The following TRIM2 variants were observed in gnomAD, a reference collection of about 807,000 sequenced individuals.
TRIM2 encodes tripartite motif-containing protein 2.
In TRIM2, 20 loss-of-function variants were observed where a neutral mutation model predicts 75.2. That is an observed-to-expected ratio of 0.27 (90% CI 0.19 to 0.39). TRIM2 has a LOEUF of 0.39. Among genes scored for constraint, TRIM2 ranks in the 10% least tolerant of loss-of-function variants. TRIM2 has a pLI of 1.00. For synonymous variants in TRIM2, 373 were observed against 388.3 expected (o/e 0.96, Z 0.46); for missense variants, 660 against 990.8 (o/e 0.67, Z 4.48).
chr4:153,247,671 CTG>C (rs2149899774), intron 1 of TRIM2, among the ~76,000 whole-genome samples: 1 of 91,552 alleles, frequency 1.1e-5, no homozygotes, highest in East Asian at 3.1e-4. Flanking sequence ...GAGTGAGACT[CTG>C]TCTCAAAAAA....
At position 153,335,372 on chromosome 4, in the gene TRIM2, A is replaced by G. The variant is rs577894917; in HGVS notation, c.*406A>G. On this transcript the variant is annotated 3_prime_UTR_variant, in exon 12 of 12. Coordinates refer to ENST00000338700, the MANE Select transcript of TRIM2 (RefSeq NM_015271.5). ...CAAAAACAAAATCTATTGTAGTTAT[A>G]TACTTCATTTAACCTAGGTCACAAG... The G allele has an allele frequency of 9.1e-6, 9 of 987,276 alleles. No individual in the cohort carries two copies. In the South Asian group the frequency reaches 4.2e-4, roughly 46 times the overall value. The allele number at this position is 987,276 out of a possible 1,614,324, so 61.2% of individuals were successfully genotyped here. A position where few individuals can be genotyped will look rare whatever the true frequency, so the allele number is the denominator to read the frequency against.
chr4:153,259,575 G>GT (rs1405280550), intron 1 of TRIM2, among the ~76,000 whole-genome samples: 1 of 152,146 alleles, frequency 6.6e-6, no homozygotes, highest in Admixed American at 6.5e-5. Context: ...TACTGTCATA[G>GT]TTTTTTCTTC....
intron 1 of TRIM2, among the ~76,000 whole-genome samples, chr4:153,179,372 T>C (rs1731811907): frequency 6.7e-6 from 1 of 148,452 alleles, no homozygotes. Flanking sequence ...TAATGTTAAA[T>C]ATTATTATTT....
At chr4:153,332,167 T>C (rs1321012341) in intron 11 of TRIM2, among the ~76,000 whole-genome samples, 1 of 152,028 alleles carries the variant, frequency 6.6e-6, no homozygotes, top group East Asian at 1.9e-4. Flanking sequence ...AATTAACAAA[T>C]TGGGTTTCAT....
chr4:153,270,364 C>T lies in TRIM2; in HGVS notation c.60C>T (p.Gly20=), dbSNP rs756855806. 2 of 1,607,288 alleles carry T rather than the reference C, an allele frequency of 1.2e-6. No individual in the cohort carries two copies. Among genetic ancestry groups the T allele is most frequent in the Non-Finnish European group, 1.7e-6 (2 of 1,176,444 alleles). ...AGCGTGCAGGGTCAAAGACAGCCGG[C>T]CCCCCATGTCAGTGGTCTAGGATGG... ...QQQRAGSKTA[G]PPCQWSRMAS... Residue 20 remains glycine, a synonymous_variant, in exon 2 of 12, where the codon GGC becomes GGT. Coordinates refer to ENST00000338700, the MANE Select transcript of TRIM2 (RefSeq NM_015271.5).
chr4:153,288,586 T>G (rs1183072931), intron 3 of TRIM2, among the ~76,000 whole-genome samples: 4 of 152,202 alleles, frequency 2.6e-5, no homozygotes, highest in Non-Finnish European at 5.9e-5. Context: ...GTTTCCTGTT[T>G]GGAGTTTATT....
intron 3 of TRIM2, among the ~76,000 whole-genome samples, chr4:153,292,677 AT>A (rs1327662814): frequency 6.6e-6 from 1 of 152,238 alleles, no homozygotes; most frequent in East Asian, 1.9e-4. Flanking sequence ...ATTTTTAAAG[AT>A]TATAACGGGG....
At chr4:153,257,482 TC>T in intron 1 of TRIM2, 1 of 1,273,288 alleles carries the variant, frequency 7.9e-7, no homozygotes, top group Non-Finnish European at 1.0e-6. Context: ...CCAGAAACAT[TC>T]CTGCCGACTT....
intron 1 of TRIM2, among the ~76,000 whole-genome samples, chr4:153,174,596 T>G (rs1731224207): frequency 1.3e-5 from 2 of 152,332 alleles, no homozygotes; most frequent in South Asian, 2.1e-4. Flanking sequence ...AACAGTTTCC[T>G]GAGAGCAGGG....
intron 1 of TRIM2, among the ~76,000 whole-genome samples, chr4:153,241,499 T>A (rs1240800865): frequency 1.3e-5 from 2 of 152,164 alleles, no homozygotes; most frequent in Non-Finnish European, 2.9e-5. Context: ...CATGAAGGAT[T>A]CAAAGGGGGC....
chr4:153,190,946 A>AT (rs1391642521), intron 1 of TRIM2, among the ~76,000 whole-genome samples: 1 of 152,122 alleles, frequency 6.6e-6, no homozygotes, highest in East Asian at 1.9e-4. Context: ...CATGTTGGCC[A>AT]GGCTGGTCTC....
At chr4:153,271,171 G>A (rs1277199204) in intron 2 of TRIM2, among the ~76,000 whole-genome samples, 1 of 152,092 alleles carries the variant, frequency 6.6e-6, no homozygotes, top group African/African-American at 2.4e-5. Flanking sequence ...TACCATGTAA[G>A]CAATTAAGCA....
chr4:153,192,566 C>A (rs1366355874), intron 1 of TRIM2, among the ~76,000 whole-genome samples: 4 of 148,474 alleles, frequency 2.7e-5, no homozygotes. Context: ...ATGATCATGC[C>A]ATTGCATCCC....
At chr4:153,260,248 T>C (rs1753060970) in intron 1 of TRIM2, among the ~76,000 whole-genome samples, 1 of 151,970 alleles carries the variant, frequency 6.6e-6, no homozygotes. Context: ...CTTTGTGTAG[T>C]CCCCAAGCAA....
chr4:153,338,224 G>A lies in TRIM2; in HGVS notation c.*3258G>A, dbSNP rs569855316. 7.1e-6 allele frequency: 7 copies of A among 985,814 alleles called. No homozygotes were observed. In the East Asian group the frequency reaches 3.4e-4, roughly 48 times the overall value. The allele number at this position is 985,814 out of a possible 1,614,324, so 61.1% of individuals were successfully genotyped here. ...GTATCTGTGAATCCTTAGCACTGAC[G>A]GGTTAACAGAAATGCTTTGGTAATA... On this transcript the variant is annotated 3_prime_UTR_variant, in exon 12 of 12. Transcript: ENST00000338700.
intron 1 of TRIM2, among the ~76,000 whole-genome samples, chr4:153,198,445 A>T (rs1293033413): frequency 6.6e-6 from 1 of 152,102 alleles, no homozygotes; most frequent in East Asian, 1.9e-4. Flanking sequence ...ACCATGTAAG[A>T]TATGCCCTTC....
In TRIM2 at chr4:153,338,375, G is replaced by C. The variant is rs894186822; in HGVS notation, c.*3409G>C. 7 of 985,598 alleles carry C rather than the reference G, an allele frequency of 7.1e-6. No homozygotes were observed. The African/African-American group carries it at 8.7e-5, about 12-fold the overall frequency. 61.1% of individuals were successfully genotyped at this position (985,598 alleles called of 1,614,324 possible). A position where few individuals can be genotyped will look rare whatever the true frequency, so the allele number is the denominator to read the frequency against. On this transcript the variant is annotated 3_prime_UTR_variant, in exon 12 of 12. Coordinates refer to ENST00000338700, the MANE Select transcript of TRIM2 (RefSeq NM_015271.5). ...TATTCACTAGCTTCTGAAAAGGGAG[G>C]AGTATTTTTAGTTTGACAATTTAAT...
intron 6 of TRIM2, among the ~76,000 whole-genome samples, chr4:153,312,865 A>G (rs1766668255): frequency 6.6e-6 from 1 of 152,138 alleles, no homozygotes; most frequent in Non-Finnish European, 1.5e-5. Context: ...GCATTTTAGA[A>G]TTGTTTCTGT....
At chr4:153,161,627 C>T (rs183737076) in intron 1 of TRIM2, among the ~76,000 whole-genome samples, 25 of 152,308 alleles carry the variant, frequency 1.6e-4, no homozygotes, top group Admixed American at 1.4e-3. Flanking sequence ...GTGAGTGCTT[C>T]GTGCTCAAAG....
Sources: gnomAD v4.1 joint callset for allele counts (sites outside exome capture counted in the v4.1 genomes callset) on GRCh38, gnomAD v4.1.1 for gene constraint, MANE v1.5 for transcripts, NCBI Gene and HGNC (gene_info 2026-07-23, HGNC 2026-07-21) for gene names.